Variants in ZSWIM5 observed in about 807,000 individuals in gnomAD.
ZSWIM5 encodes the protein zinc finger SWIM domain-containing protein 5.
Under a neutral mutation model 119.6 loss-of-function variants are expected in ZSWIM5, and 55 were observed. That is an observed-to-expected ratio of 0.46 (90% CI 0.37 to 0.58). The LOEUF (loss-of-function observed/expected upper bound fraction) is 0.58, where lower values mean the gene tolerates loss of function less well. ZSWIM5 is among the 20% of genes least tolerant of loss of function. The pLI, the probability that ZSWIM5 is intolerant of heterozygous loss-of-function variation, is 0.00. For synonymous variants in ZSWIM5, 537 were observed against 606.9 expected, an observed-to-expected ratio of 0.88 and a Z score of 1.69; for missense variants, 1,193 against 1,512.8, an observed-to-expected ratio of 0.79 and a Z score of 3.51.
chr1:45,190,005 T>C (rs1383379529), intron 1 of ZSWIM5, among the ~76,000 whole-genome samples: 2 of 151,960 alleles, frequency 1.3e-5, no homozygotes, highest in Non-Finnish European at 2.9e-5. Flanking sequence ...TCACAGTAAC[T>C]AGGCTCAGGC....
intron 5 of ZSWIM5, among the ~76,000 whole-genome samples, chr1:45,043,950 A>C (rs1446409997): frequency 6.6e-6 from 1 of 152,048 alleles, no homozygotes; most frequent in Non-Finnish European, 1.5e-5. Flanking sequence ...TTGGGTGGCT[A>C]AAGTGGGAGG....
chr1:45,040,280 A>C, intron 7 of ZSWIM5, 112 bp downstream of exon 7: 1 of 1,180,254 alleles, frequency 8.5e-7, no homozygotes, highest in Non-Finnish European at 1.2e-6. Context: ...GAGGCATTCC[A>C]CACAGCAAGG....
intron 1 of ZSWIM5, among the ~76,000 whole-genome samples, chr1:45,176,466 T>C (rs1645982248): frequency 6.6e-6 from 1 of 152,056 alleles, no homozygotes; most frequent in African/African-American, 2.4e-5. Flanking sequence ...GGTTTCGTCA[T>C]GTTGGCCAGG....
At chr1:45,190,976 T>C (rs971746583) in intron 1 of ZSWIM5, among the ~76,000 whole-genome samples, 5 of 125,150 alleles carry the variant, frequency 4.0e-5, no homozygotes, top group African/African-American at 1.5e-4. Context: ...AGACGGAGTC[T>C]CGCTCTTTCG....
intron 1 of ZSWIM5, among the ~76,000 whole-genome samples, chr1:45,190,063 C>T (rs1477231654): frequency 6.6e-6 from 1 of 152,128 alleles, no homozygotes; most frequent in Non-Finnish European, 1.5e-5. Context: ...CCTGTAATCC[C>T]AGCACTATGG....
chr1:45,020,004 G>C (rs1442585154), intron 13 of ZSWIM5, 62 bp downstream of exon 13: 1 of 1,400,526 alleles, frequency 7.1e-7, no homozygotes, highest in East Asian at 2.3e-5. Context: ...TGATTGTCCT[G>C]TCCCAAGAGT....
intron 1 of ZSWIM5, among the ~76,000 whole-genome samples, chr1:45,092,869 T>G (rs1055387151): frequency 3.9e-5 from 6 of 152,238 alleles, no homozygotes; most frequent in African/African-American, 1.4e-4. Context: ...CCCCAAAATT[T>G]CCAGCCTGCC....
chr1:45,037,907 A>G (rs1199580677), intron 8 of ZSWIM5, among the ~76,000 whole-genome samples: 1 of 152,202 alleles, frequency 6.6e-6, no homozygotes, highest in East Asian at 1.9e-4. Flanking sequence ...TTTCTCCCTC[A>G]TCTATCTAAT....
intron 11 of ZSWIM5, among the ~76,000 whole-genome samples, chr1:45,027,103 T>C (rs1467436409): frequency 2.8e-5 from 4 of 144,086 alleles, no homozygotes; most frequent in African/African-American, 1.0e-4. Flanking sequence ...AGATCTCCTC[T>C]TTTTTTTTTT....
intron 1 of ZSWIM5, among the ~76,000 whole-genome samples, chr1:45,176,417 C>A (rs1419246646): frequency 1.3e-5 from 2 of 151,922 alleles, no homozygotes; most frequent in Admixed American, 6.6e-5. Context: ...GTGCATGCCA[C>A]CACACCGAGC....
chr1:45,025,890 T>C (rs889003220), intron 11 of ZSWIM5, among the ~76,000 whole-genome samples: 4 of 152,218 alleles, frequency 2.6e-5, no homozygotes, highest in African/African-American at 9.7e-5. Context: ...CATCTGTGTA[T>C]CATTTATTTC....
intron 1 of ZSWIM5, among the ~76,000 whole-genome samples, chr1:45,126,901 C>T (rs536185693): frequency 5.8e-4 from 89 of 152,226 alleles, no homozygotes; most frequent in Non-Finnish European, 1.1e-3. Flanking sequence ...TGCAGTAGCA[C>T]GATCACAGCT....
At chr1:45,085,205 C>A (rs1645319413) in intron 2 of ZSWIM5, among the ~76,000 whole-genome samples, 1 of 152,192 alleles carries the variant, frequency 6.6e-6, no homozygotes, top group South Asian at 2.1e-4. Context: ...TTAGCCACAG[C>A]CAGAGCTGGA....
chr1:45,058,670 T>G lies in ZSWIM5; in HGVS notation c.1191A>C (p.Thr397=). ...TGTTTGTTCCTTGCTGCCTCCAGAGTGTGAGTCGTGGGTCAGCCACAAACT... is the reference window on the plus strand; with the variant it reads ...TGTTTGTTCCTTGCTGCCTCCAGAGGGTGAGTCGTGGGTCAGCCACAAACT... ...TEQFVADPRL[T]LWRQQGTNMT... Residue 397 remains threonine (T), a synonymous_variant, in exon 4 of 14, where the codon ACA becomes ACC. Coordinates refer to ENST00000359600, the MANE Select transcript of ZSWIM5 (RefSeq NM_020883.2). 1 of 1,614,214 alleles carries G rather than the reference T, an allele frequency of 6.2e-7. No individual in the cohort carries two copies. The highest frequency in any genetic ancestry group is 8.5e-7 in the Non-Finnish European group (1 of 1,180,050).
At chr1:45,032,821 GT>G (rs1013505888) in intron 11 of ZSWIM5, among the ~76,000 whole-genome samples, 3 of 150,874 alleles carry the variant, frequency 2.0e-5, no homozygotes, top group East Asian at 1.9e-4. Flanking sequence ...TACTTTAAGG[GT>G]TTTTTTTCCC....
At chr1:45,115,428 G>A (rs1188318331) in intron 1 of ZSWIM5, among the ~76,000 whole-genome samples, 1 of 149,142 alleles carries the variant, frequency 6.7e-6, no homozygotes, top group Admixed American at 6.7e-5. Context: ...AGACGGGGCG[G>A]CCGGGCAGAG....
At chr1:45,197,610 T>C (rs1646134151) in intron 1 of ZSWIM5, among the ~76,000 whole-genome samples, 1 of 152,224 alleles carries the variant, frequency 6.6e-6, no homozygotes, top group South Asian at 2.1e-4. Flanking sequence ...ACTATAAATA[T>C]TCAAGTACAA....
chr1:45,094,031 TTA>T (rs1191246760), intron 1 of ZSWIM5, among the ~76,000 whole-genome samples: 38 of 128,966 alleles, frequency 2.9e-4, no homozygotes, highest in Admixed American at 2.9e-3. Flanking sequence ...TTATATTTAT[TTA>T]TTTATTTATT....
intron 1 of ZSWIM5, among the ~76,000 whole-genome samples, chr1:45,199,844 T>C (rs1646148881): frequency 6.6e-6 from 1 of 152,122 alleles, no homozygotes; most frequent in Non-Finnish European, 1.5e-5. Flanking sequence ...GATAGGAAAA[T>C]GCAAAGTACT....
Sources: allele counts gnomAD v4.1 joint callset (sites outside exome capture counted in the v4.1 genomes callset), GRCh38; gene constraint gnomAD v4.1.1; transcripts MANE v1.5; gene names NCBI Gene and HGNC (gene_info 2026-07-23, HGNC 2026-07-21).